Variants in CLSTN2 observed in about 807,000 individuals in gnomAD.
The protein encoded by CLSTN2 is calsyntenin-2.
CLSTN2 carries 48 observed loss-of-function variants against 101.2 expected under a neutral mutation model. That is an observed-to-expected ratio of 0.47 (90% CI 0.38 to 0.60). CLSTN2 has a LOEUF of 0.60. Among genes scored for constraint, CLSTN2 ranks in the 20% least tolerant of loss-of-function variants. The probability of loss-of-function intolerance (pLI) is 0.00; values close to 1 mark genes in which losing one functional copy is unlikely to be tolerated. For missense variants in CLSTN2, 1,160 were observed against 1,238.2 expected (o/e 0.94, Z 0.95); for synonymous variants, 481 against 463.6 (o/e 1.04, Z -0.48).
intron 1 of CLSTN2, among the ~76,000 whole-genome samples, chr3:139,963,929 C>T (rs984877294): frequency 1.3e-5 from 2 of 152,206 alleles, no homozygotes; most frequent in African/African-American, 4.8e-5. Flanking sequence ...GGCACTGTCA[C>T]ATCACAGGTG....
intron 2 of CLSTN2, among the ~76,000 whole-genome samples, chr3:140,332,695 T>A (rs2087395581): frequency 1.6e-5 from 2 of 125,706 alleles, no homozygotes; most frequent in Non-Finnish European, 3.6e-5. Context: ...TTTTTTCTTT[T>A]CTTTTCTGGC....
intron 1 of CLSTN2, among the ~76,000 whole-genome samples, chr3:140,141,078 G>A (rs1015903124): frequency 1.3e-5 from 2 of 152,210 alleles, no homozygotes; most frequent in Admixed American, 6.5e-5. Flanking sequence ...CAGAGGTTAG[G>A]AAAGCCTTCT....
chr3:139,969,630 C>A (rs993130613), intron 1 of CLSTN2, among the ~76,000 whole-genome samples: 1 of 152,216 alleles, frequency 6.6e-6, no homozygotes, highest in Non-Finnish European at 1.5e-5. Context: ...CTGCAAAACA[C>A]CAACCCAACT....
chr3:140,235,320 C>T lies in CLSTN2; in HGVS notation c.232+59247C>T, dbSNP rs1351586480. On this transcript the variant is annotated intron_variant, in intron 2 of 16. Transcript: ENST00000458420. ...TGGGGGCCCTAACAGTTCACGCCACCCTTATTACCCTTTCCTTTCCACGAA... is the reference window on the plus strand; with the variant it reads ...TGGGGGCCCTAACAGTTCACGCCACTCTTATTACCCTTTCCTTTCCACGAA... Among the ~76,000 whole-genome samples the T allele has an allele frequency of 5.9e-5, 9 of 152,058 alleles. 1 individual carries two copies. The highest frequency in any genetic ancestry group is 5.2e-4 in the Admixed American group (8 of 15,248).
rs542085664 is a variant in CLSTN2, at chr3:140,321,084, A to G, written c.233-82545A>G. 1.6e-4 allele frequency among the ~76,000 whole-genome samples: 25 copies of G among 152,220 alleles called. 1 individual carries two copies. In the South Asian group the frequency reaches 5.2e-3, roughly 32 times the overall value. On this transcript the variant is annotated intron_variant, in intron 2 of 16. Coordinates refer to ENST00000458420, the MANE Select transcript of CLSTN2 (RefSeq NM_022131.3). ...GCTGAAACTGACGGGCTTGGTTATG[A>G]AAGGTAAAGGGCAAGGTGCCCTAGC...
At chr3:140,378,906 A>G (rs1352993980) in intron 2 of CLSTN2, among the ~76,000 whole-genome samples, 2 of 152,206 alleles carry the variant, frequency 1.3e-5, no homozygotes, top group African/African-American at 4.8e-5. Flanking sequence ...TCAGTTATAT[A>G]TGGTTTTACC....
At chr3:140,122,740 A>C (rs1331684679) in intron 1 of CLSTN2, among the ~76,000 whole-genome samples, 3 of 152,160 alleles carry the variant, frequency 2.0e-5, no homozygotes, top group Non-Finnish European at 2.9e-5. Flanking sequence ...TTGGTTTCCT[A>C]GAGCAGGGGT....
Position 140,129,261 on chromosome 3 carries a change from T to C in CLSTN2, c.110-46690T>C, listed in dbSNP as rs1001046012. On this transcript the variant is annotated intron_variant, in intron 1 of 16. Transcript: ENST00000458420. ...GTTCTGATGTACCCATACTCTTTCA[T>C]GAAAATACAGATAAGACAAAGCAGG... 2.0e-5 allele frequency among the ~76,000 whole-genome samples: 3 copies of C among 152,124 alleles called. No homozygotes were observed. In the South Asian group the frequency reaches 6.2e-4, roughly 31 times the overall value.
intron 8 of CLSTN2, among the ~76,000 whole-genome samples, chr3:140,494,008 A>G (rs1413798261): frequency 6.6e-6 from 1 of 152,164 alleles, no homozygotes; most frequent in African/African-American, 2.4e-5. Flanking sequence ...TTGAAAACCC[A>G]CAGAAGGATT....
chr3:140,332,705 CAAA>C (rs66752830), intron 2 of CLSTN2, among the ~76,000 whole-genome samples: 233 of 139,174 alleles, frequency 1.7e-3, no homozygotes, highest in Non-Finnish European at 2.3e-3. Flanking sequence ...TCTTTTCTGG[CAAA>C]AAAAAAAAAA....
At chr3:140,315,212 A>T (rs1371155627) in intron 2 of CLSTN2, among the ~76,000 whole-genome samples, 2 of 152,192 alleles carry the variant, frequency 1.3e-5, no homozygotes, top group Non-Finnish European at 1.5e-5. Context: ...TGTGGAAGTG[A>T]TCTATGACCT....
At chr3:140,159,750 A>G (rs1321258390) in intron 1 of CLSTN2, among the ~76,000 whole-genome samples, 1 of 152,178 alleles carries the variant, frequency 6.6e-6, no homozygotes, top group Non-Finnish European at 1.5e-5. Flanking sequence ...TAGCAAAGAC[A>G]TGGAATCAAC....
chr3:140,444,124 C>A (rs1010726720), intron 5 of CLSTN2, among the ~76,000 whole-genome samples: 1 of 152,162 alleles, frequency 6.6e-6, no homozygotes, highest in Non-Finnish European at 1.5e-5. Flanking sequence ...TCAGTTCTGG[C>A]AAATCCTCAG....
chr3:139,958,733 A>G (rs1935451946), intron 1 of CLSTN2, among the ~76,000 whole-genome samples: 1 of 151,670 alleles, frequency 6.6e-6, no homozygotes, highest in Non-Finnish European at 1.5e-5. Context: ...CTGGAACAAT[A>G]GATAGGCCGT....
intron 2 of CLSTN2, among the ~76,000 whole-genome samples, chr3:140,376,261 A>T (rs1254486635): frequency 6.6e-6 from 1 of 152,228 alleles, no homozygotes; most frequent in African/African-American, 2.4e-5. Flanking sequence ...AGCTTGGCTC[A>T]GTTTTCAACT....
intron 1 of CLSTN2, among the ~76,000 whole-genome samples, chr3:140,170,849 G>T (rs139520360): frequency 6.6e-6 from 1 of 152,178 alleles, no homozygotes; most frequent in African/African-American, 2.4e-5. Flanking sequence ...TTTTACAGTC[G>T]TGGGAACTGA....
chr3:140,392,209 G>T (rs1354811515), intron 2 of CLSTN2, among the ~76,000 whole-genome samples: 1 of 148,646 alleles, frequency 6.7e-6, no homozygotes, highest in African/African-American at 2.5e-5. Flanking sequence ...TTATCTAGTA[G>T]CCACATTTAA....
chr3:139,950,954 G>T (rs570909993), intron 1 of CLSTN2, among the ~76,000 whole-genome samples: 25 of 152,172 alleles, frequency 1.6e-4, no homozygotes, highest in African/African-American at 5.5e-4. Context: ...ATATTGTGGC[G>T]ATGTGACTTT....
chr3:140,066,131 CT>C (rs2008295176), intron 1 of CLSTN2, among the ~76,000 whole-genome samples: 7 of 152,174 alleles, frequency 4.6e-5, no homozygotes, highest in Admixed American at 4.6e-4. Context: ...ATTCTAAGAC[CT>C]TTGATATTTC....
Sources: gnomAD v4.1 joint callset for allele counts (sites outside exome capture counted in the v4.1 genomes callset) on GRCh38, gnomAD v4.1.1 for gene constraint, MANE v1.5 for transcripts, NCBI Gene and HGNC (gene_info 2026-07-23, HGNC 2026-07-21) for gene names.